Variants in ATG13 observed in about 807,000 individuals in gnomAD.
ATG13 encodes the protein autophagy-related protein 13.
ATG13 carries 23 observed loss-of-function variants against 65.5 expected under a neutral mutation model. That is an observed-to-expected ratio of 0.35 (90% confidence interval 0.25 to 0.50). The LOEUF (loss-of-function observed/expected upper bound fraction) is 0.50, where lower values mean the gene tolerates loss of function less well. Ranked by LOEUF, ATG13 falls within the 20% of genes least tolerant of loss-of-function variation. ATG13 has a pLI of 0.98. For synonymous variants in ATG13, 252 were observed against 245.2 expected (o/e 1.03, Z -0.26); for missense variants, 566 against 677.0 (o/e 0.84, Z 1.82).
At chr11:46,624,590 C>T (rs1340306928) in intron 1 of ATG13, among the ~76,000 whole-genome samples, 2 of 151,930 alleles carry the variant, frequency 1.3e-5, no homozygotes, top group African/African-American at 4.8e-5. Context: ...TGTCCAATCA[C>T]TTCCTCATGG....
chr11:46,668,829 T>C lies in ATG13; in HGVS notation c.1365T>C (p.Pro455=). The C allele has an allele frequency of 6.2e-7, 1 of 1,613,902 alleles. No individual in the cohort carries two copies. The highest frequency in any genetic ancestry group is 8.5e-7 in the Non-Finnish European group (1 of 1,179,984). ...NPPDSPETES[P]LQGSLHSDGS... ...CAGATTCCCCAGAGACTGAATCTCC[T>C]CTCCAGGGCAGCCTGCACTCAGATG... The change falls in exon 17 of 19, where the codon CCT becomes CCC. Residue 455 remains proline (P), a synonymous_variant. Transcript: ENST00000683050.
At chr11:46,666,865 T>A (rs903731668) in intron 14 of ATG13, among the ~76,000 whole-genome samples, 1 of 152,168 alleles carries the variant, frequency 6.6e-6, no homozygotes, top group Non-Finnish European at 1.5e-5. Context: ...ATTCCTGATT[T>A]TTTTTTTTCA....
intron 2 of ATG13, among the ~76,000 whole-genome samples, chr11:46,633,394 G>T (rs1565450093): frequency 6.6e-6 from 1 of 151,488 alleles, no homozygotes; most frequent in Non-Finnish European, 1.5e-5. Flanking sequence ...TGTTGCCTAG[G>T]CTGGAGTGCA....
At chr11:46,640,974 TTGTCTC>T (rs1167518484) in intron 2 of ATG13, among the ~76,000 whole-genome samples, 1 of 152,230 alleles carries the variant, frequency 6.6e-6, no homozygotes, top group African/African-American at 2.4e-5. Flanking sequence ...ATTCCTGACT[TTGTCTC>T]TGATAGCAGT....
intron 1 of ATG13, among the ~76,000 whole-genome samples, chr11:46,622,355 G>A (rs924238266): frequency 7.9e-5 from 12 of 151,812 alleles, no homozygotes; most frequent in African/African-American, 2.9e-4. Flanking sequence ...CTGACCTCGT[G>A]ATCCGCCTGC....
chr11:46,627,109 G>A (rs150493060), intron 1 of ATG13, among the ~76,000 whole-genome samples: 11,038 of 152,258 alleles, frequency 0.072, 612 homozygotes, highest in Middle Eastern at 0.12. Flanking sequence ...GGCCGGGCGT[G>A]ATGGCTCACG....
intron 3 of ATG13, among the ~76,000 whole-genome samples, chr11:46,644,992 AG>A (rs2057150959): frequency 2.6e-5 from 4 of 152,184 alleles, no homozygotes; most frequent in Admixed American, 2.6e-4. Context: ...AGTTTGTGGC[AG>A]GGAATATTTA....
intron 2 of ATG13, among the ~76,000 whole-genome samples, chr11:46,631,365 T>C (rs1363119644): frequency 6.6e-6 from 1 of 152,200 alleles, no homozygotes; most frequent in African/African-American, 2.4e-5. Flanking sequence ...ATTTCTTTAT[T>C]TAAAATTAGA....
intron 10 of ATG13, among the ~76,000 whole-genome samples, chr11:46,658,390 C>G (rs934137132): frequency 1.3e-5 from 2 of 152,300 alleles, no homozygotes; most frequent in Middle Eastern, 6.8e-3. Context: ...CATTACTGGC[C>G]TGGCTTAAGA....
intron 1 of ATG13, among the ~76,000 whole-genome samples, chr11:46,629,305 G>T (rs1043877907): frequency 1.3e-5 from 2 of 152,142 alleles, no homozygotes. Context: ...TGGTATAGAT[G>T]CAGTCACACT....
intron 8 of ATG13, 137 bp downstream of exon 8, chr11:46,656,410 C>T: frequency 2.2e-6 from 2 of 910,028 alleles, no homozygotes; most frequent in Non-Finnish European, 3.2e-6. Context: ...GATGAGAATG[C>T]AGGTAGGTGG....
intron 1 of ATG13, chr11:46,625,302 GT>G (rs1213045769): frequency 1.7e-5 from 2 of 115,512 alleles, no homozygotes; most frequent in Non-Finnish European, 3.6e-5. Context: ...TTGATACAGG[GT>G]TTTGCTTTGT....
chr11:46,660,422 T>G (rs2060923504), intron 11 of ATG13, among the ~76,000 whole-genome samples: 1 of 151,322 alleles, frequency 6.6e-6, no homozygotes, highest in Non-Finnish European at 1.5e-5. Flanking sequence ...TTTCCCTTTT[T>G]TTTTTGAGAC....
At chr11:46,656,821 A>G in intron 8 of ATG13, 1 of 419,862 alleles carries the variant, frequency 2.4e-6, no homozygotes, top group Non-Finnish European at 4.2e-6. Flanking sequence ...ATCTCTTTGA[A>G]GGTAGCTTTA....
At chr11:46,631,217 G>T (rs1377248702) in intron 2 of ATG13, among the ~76,000 whole-genome samples, 1 of 151,962 alleles carries the variant, frequency 6.6e-6, no homozygotes, top group Admixed American at 6.6e-5. Context: ...TGAATGACAG[G>T]GTCTCACTCT....
intron 1 of ATG13, among the ~76,000 whole-genome samples, chr11:46,622,104 TATATATATATATATATA>T (rs1565398065): frequency 8.3e-6 from 1 of 120,258 alleles, no homozygotes; most frequent in African/African-American, 3.1e-5. Flanking sequence ...TATATATATA[TATATATATATATATATA>T]TATATATTTA....
chr11:46,622,119 A>ATT (rs1565398772), intron 1 of ATG13, among the ~76,000 whole-genome samples: 5 of 97,874 alleles, frequency 5.1e-5, no homozygotes, highest in African/African-American at 2.5e-4. Flanking sequence ...ATATATATAT[A>ATT]TATATATATT....
intron 3 of ATG13, among the ~76,000 whole-genome samples, chr11:46,644,754 T>A (rs1313490808): frequency 6.6e-6 from 1 of 152,140 alleles, no homozygotes; most frequent in Admixed American, 6.6e-5. Flanking sequence ...AACTTTTATA[T>A]ATTCTTCCCT....
intron 14 of ATG13, among the ~76,000 whole-genome samples, chr11:46,666,510 T>C (rs764127215): frequency 5.3e-5 from 8 of 152,240 alleles, no homozygotes; most frequent in Non-Finnish European, 1.2e-4. Flanking sequence ...ATTACCGAAG[T>C]GATACATTCT....
Sources: allele counts gnomAD v4.1 joint callset (sites outside exome capture counted in the v4.1 genomes callset), GRCh38; gene constraint gnomAD v4.1.1; transcripts MANE v1.5; gene names NCBI Gene and HGNC (gene_info 2026-07-23, HGNC 2026-07-21).